The following PNKD variants were observed in gnomAD, a reference collection of about 807,000 sequenced individuals.
PNKD encodes probable thioesterase PNKD.
In PNKD, 36 loss-of-function variants were observed where a neutral mutation model predicts 45.3. That is an observed-to-expected ratio of 0.80 (90% CI 0.61 to 1.05). PNKD has a LOEUF of 1.05. Among genes scored for constraint, PNKD ranks in the 50% least tolerant of loss-of-function variants. The probability of loss-of-function intolerance (pLI) is 0.00; values close to 1 mark genes in which losing one functional copy is unlikely to be tolerated. For missense variants in PNKD, 511 were observed against 506.6 expected (o/e 1.01, Z -0.08); for synonymous variants, 197 against 210.1 (o/e 0.94, Z 0.54).
chr2:218,343,349 G>T, intron 7 of PNKD, 151 bp from the exon 8 acceptor site: 1 of 714,476 alleles, frequency 1.4e-6, no homozygotes, highest in Non-Finnish European at 2.5e-6. Flanking sequence ...AGTGAGGAGG[G>T]AATAGATGCC....
At chr2:218,270,755 G>C in intron 1 of PNKD, 153 bp downstream of exon 1, 2 of 419,410 alleles carry the variant, frequency 4.8e-6, no homozygotes. Context: ...GCTCTTTAGA[G>C]GTCACCCAGT....
chr2:218,315,048 T>TCC (rs1213308068), intron 2 of PNKD, among the ~76,000 whole-genome samples: 13 of 96,740 alleles, frequency 1.3e-4, no homozygotes, highest in East Asian at 3.6e-4. Flanking sequence ...TTTTCTTTCT[T>TCC]TCTTTCTTTC....
intron 2 of PNKD, among the ~76,000 whole-genome samples, chr2:218,319,263 C>G (rs1693911016): frequency 6.6e-6 from 1 of 150,638 alleles, no homozygotes; most frequent in Non-Finnish European, 1.5e-5. Context: ...ATGCACAAAT[C>G]TTTAATGTAC....
intron 2 of PNKD, chr2:218,286,564 T>G (rs1663024834): frequency 6.6e-6 from 1 of 152,170 alleles, no homozygotes; most frequent in African/African-American, 2.4e-5. Context: ...CACAAGTGGG[T>G]GAGCTCAGAC....
At chr2:218,343,367 G>A in intron 7 of PNKD, 133 bp from the exon 8 acceptor site, 2 of 758,534 alleles carry the variant, frequency 2.6e-6, no homozygotes, top group Non-Finnish European at 4.7e-6. Flanking sequence ...GCCTGGGGTG[G>A]GTCTGGAAAG....
At chr2:218,305,280 A>G (rs1470013757) in intron 2 of PNKD, among the ~76,000 whole-genome samples, 1 of 152,066 alleles carries the variant, frequency 6.6e-6, no homozygotes, top group East Asian at 1.9e-4. Context: ...GGGATGAGGG[A>G]GAGACAAACA....
chr2:218,281,982 G>A, intron 2 of PNKD: 5 of 1,606,360 alleles, frequency 3.1e-6, no homozygotes, highest in Non-Finnish European at 4.2e-6. Context: ...ATGGGCTGTG[G>A]GTAGCCAGCA....
At chr2:218,275,446 A>C (rs1691091504) in intron 2 of PNKD, 1 of 1,602,584 alleles carries the variant, frequency 6.2e-7, no homozygotes, top group Admixed American at 1.7e-5. Context: ...GGGAGAGCCC[A>C]GGATCGGGTG....
At chr2:218,277,189 T>G (rs1426228962) in intron 2 of PNKD, 1 of 1,238,460 alleles carries the variant, frequency 8.1e-7, no homozygotes, top group Non-Finnish European at 1.2e-6. Flanking sequence ...CAGTGCTGCC[T>G]CCTAGGGGGT....
chr2:218,309,892 G>A (rs1025702892), intron 2 of PNKD, among the ~76,000 whole-genome samples: 4 of 150,810 alleles, frequency 2.7e-5, no homozygotes, highest in East Asian at 2.0e-4. Flanking sequence ...CCGAGATCGC[G>A]ACATTGCACT....
chr2:218,315,502 G>A (rs537004305), intron 2 of PNKD, among the ~76,000 whole-genome samples: 50 of 152,284 alleles, frequency 3.3e-4, no homozygotes, highest in African/African-American at 1.1e-3. Context: ...TATTTCCCTT[G>A]TTAGATCTTC....
At chr2:218,285,514 C>T (rs973549935) in intron 2 of PNKD, among the ~76,000 whole-genome samples, 7 of 152,182 alleles carry the variant, frequency 4.6e-5, no homozygotes, top group Admixed American at 1.3e-4. Flanking sequence ...CCAACGGCCC[C>T]AGGAGAAGAG....
At position 218,278,220 on chromosome 2, in the gene PNKD, C is replaced by G. The variant is rs992268785; in HGVS notation, c.236+6671C>G. On this transcript the variant is annotated intron_variant, in intron 2 of 9. Coordinates refer to ENST00000273077, the MANE Select transcript of PNKD (RefSeq NM_015488.5). ...TGGTTTGCAACTCTTAAACTGACTG[C>G]CTGTGTGATGGGGAGAAAGTTACTC... The G allele has an allele frequency of 4.5e-5, 27 of 604,902 alleles. No homozygotes were observed. In the African/African-American group the frequency reaches 4.8e-4, roughly 11 times the overall value. 37.5% of individuals were successfully genotyped at this position (604,902 alleles called of 1,614,324 possible).
intron 2 of PNKD, chr2:218,323,225 G>C: frequency 6.9e-7 from 1 of 1,442,818 alleles, no homozygotes; most frequent in Non-Finnish European, 9.1e-7. Context: ...CCGTTGCCTA[G>C]CAACGCCGAG....
At chr2:218,273,475 A>T (rs931293175) in intron 2 of PNKD, among the ~76,000 whole-genome samples, 1,239 of 58,480 alleles carry the variant, frequency 0.021, no homozygotes, top group Non-Finnish European at 0.026. Context: ...ATTTTTTTTT[A>T]CTTATTTTTT....
At position 218,340,768 on chromosome 2, in the gene PNKD, T is replaced by C. The variant is rs1271744060; in HGVS notation, c.506T>C (p.Leu169Pro). 2 of 1,614,086 alleles carry C rather than the reference T, an allele frequency of 1.2e-6. No homozygotes were observed. The highest frequency in any genetic ancestry group is 1.7e-6 in the Non-Finnish European group (2 of 1,179,922). ...GAAGGGGTCACCTTGGTCGCCATTC[T>C]GTGTACTCACAAGCACTGGTAAGGG... Reference protein sequence around the residue: ...EKEGVTLVAILCTHKHWDHSG... With the variant: ...EKEGVTLVAIPCTHKHWDHSG... The change falls in exon 5 of 10, where the codon CTG becomes CCG. Residue 169 changes from leucine (L) to proline (P), a missense_variant. Transcript: ENST00000273077. The surrounding 1 kb of genome is among the most constrained non-coding windows in gnomAD (Gnocchi z 4.2).
In PNKD at chr2:218,340,130, C is replaced by G. The variant is rs756863425; in HGVS notation, c.454C>G (p.Arg152Gly). Residue 152 changes from arginine (R) to glycine (G), a missense_variant, in exon 4 of 10, where the codon CGG becomes GGG. Physicochemically the swap from Arg to Gly is moderately radical, Grantham distance 125. Coordinates refer to ENST00000273077, the MANE Select transcript of PNKD (RefSeq NM_015488.5). The surrounding 1 kb of genome is among the most constrained non-coding windows in gnomAD (Gnocchi z 4.2). ...TGTGGCTGTGGACCCTTCAGACCCT[C>G]GGGCTGTGCAGGTGAGGGGAGGGCA... ...LAVAVDPSDP[R>G]AVQASIEKEG... The G allele has an allele frequency of 6.2e-7, 1 of 1,610,474 alleles. No individual in the cohort carries two copies.
chr2:218,320,071 A>C (rs2106271686), intron 2 of PNKD, among the ~76,000 whole-genome samples: 1 of 152,336 alleles, frequency 6.6e-6, no homozygotes, highest in East Asian at 1.9e-4. Context: ...GGTTGAAGAG[A>C]CAGGCTGGGC....
chr2:218,342,815 T>G (rs1694721110), intron 7 of PNKD, among the ~76,000 whole-genome samples: 1 of 150,940 alleles, frequency 6.6e-6, no homozygotes, highest in South Asian at 2.1e-4. Flanking sequence ...AGCCCAGGAG[T>G]TCAAGACCAG....
Sources: allele counts gnomAD v4.1 joint callset (sites outside exome capture counted in the v4.1 genomes callset), GRCh38; gene constraint gnomAD v4.1.1; non-coding constraint Gnocchi (gnomAD v3.1); transcripts MANE v1.5; gene names NCBI Gene and HGNC (gene_info 2026-07-23, HGNC 2026-07-21).